The following NCKAP1 variants were observed in gnomAD, a reference collection of about 807,000 sequenced individuals.
The protein encoded by NCKAP1 is nck-associated protein 1.
In NCKAP1, 21 loss-of-function variants were observed where a neutral mutation model predicts 151.2. That is an observed-to-expected ratio of 0.14 (90% confidence interval 0.10 to 0.20). NCKAP1 has a LOEUF of 0.20. Among genes scored for constraint, NCKAP1 ranks in the 10% least tolerant of loss-of-function variants. The pLI is 1.00. For synonymous variants in NCKAP1, 484 were observed against 451.8 expected, an observed-to-expected ratio of 1.07 and a Z score of -0.90; for missense variants, 933 against 1,352.1, an observed-to-expected ratio of 0.69 and a Z score of 4.86.
In NCKAP1 at chr2:183,024,276, G is replaced by C. The variant is rs1377848855; in HGVS notation, c.109-360C>G. On this transcript the variant is annotated intron_variant, in intron 1 of 30. Transcript: ENST00000361354. ...AAATTAAATATTCAGTAGAGTACTA[G>C]ACATGTTTCTTTCTAAGTGTTATAA... Among the ~76,000 whole-genome samples, 8 of 152,106 alleles carry C rather than the reference G, an allele frequency of 5.3e-5. No homozygotes were observed. The East Asian group carries it at 1.5e-3, about 29-fold the overall frequency.
At chr2:183,003,563 A>C (rs1164839325) in intron 2 of NCKAP1, among the ~76,000 whole-genome samples, 2 of 152,096 alleles carry the variant, frequency 1.3e-5, no homozygotes, top group Admixed American at 1.3e-4. Context: ...TTGCGCTACT[A>C]TTAAGGAAAA....
At chr2:182,942,633 T>C (rs1455505924) in intron 23 of NCKAP1, among the ~76,000 whole-genome samples, 1 of 151,860 alleles carries the variant, frequency 6.6e-6, no homozygotes, top group African/African-American at 2.4e-5. Context: ...TACCACTTGA[T>C]GGGGATTATA....
rs764280290 is a variant in NCKAP1, at chr2:183,023,824, T to C, written c.201A>G (p.Val67=). ...AACTTACATTGTTGTTGCGGGTTTCTACAGCAGGGAATTTTCTGACTATGA... is the reference window on the plus strand; with the variant it reads ...AACTTACATTGTTGTTGCGGGTTTCCACAGCAGGGAATTTTCTGACTATGA... ...VKFIVRKFPA[V]ETRNNNQQLA... is the part of the protein sequence containing the mutation. Residue 67 remains valine, a synonymous_variant, in exon 2 of 31, where the codon GTA becomes GTG. Coordinates refer to ENST00000361354, the MANE Select transcript of NCKAP1 (RefSeq NM_013436.5). 4 of 1,611,860 alleles carry C rather than the reference T, an allele frequency of 2.5e-6. No homozygotes were observed. The highest frequency in any genetic ancestry group is 3.4e-6 in the Non-Finnish European group (4 of 1,178,214).
intron 9 of NCKAP1, among the ~76,000 whole-genome samples, chr2:182,988,823 T>C (rs1698108776): frequency 6.6e-6 from 1 of 152,200 alleles, no homozygotes; most frequent in Non-Finnish European, 1.5e-5. Flanking sequence ...ACCTCAGTTT[T>C]TTTTTAATAT....
intron 23 of NCKAP1, among the ~76,000 whole-genome samples, chr2:182,943,369 G>C (rs898233004): frequency 6.6e-6 from 1 of 152,144 alleles, no homozygotes; most frequent in African/African-American, 2.4e-5. Flanking sequence ...GTTGCTTGAT[G>C]TTATTACTTC....
chr2:182,961,772 GA>G (rs1027757673), intron 18 of NCKAP1, among the ~76,000 whole-genome samples: 55 of 146,448 alleles, frequency 3.8e-4, no homozygotes, highest in East Asian at 2.8e-3. Context: ...AAGTTGGAAA[GA>G]AAAAAAAAAG....
At position 182,915,724 on chromosome 2, in the gene NCKAP1, C is replaced by A. The variant is rs1696456865; in HGVS notation, c.*9978G>T. ...GGGGTAAGATTACAGTTAAGTGTCT[C>A]ACAGCTCCTGTCTTTTCTATGAAGT... On this transcript the variant is annotated 3_prime_UTR_variant, in exon 31 of 31. Transcript: ENST00000361354. 6.6e-6 allele frequency: 1 copy of A among 152,062 alleles called. No homozygotes were observed. The allele number at this position is 152,062 out of a possible 1,614,324, so 9.4% of individuals were successfully genotyped here. A position where few individuals can be genotyped will look rare whatever the true frequency, so the allele number is the denominator to read the frequency against.
At chr2:182,935,571 TAA>T in intron 24 of NCKAP1, 196 bp from the exon 25 acceptor site, 1 of 413,756 alleles carries the variant, frequency 2.4e-6, no homozygotes, top group Non-Finnish European at 4.2e-6. Flanking sequence ...GTTAAACTTT[TAA>T]GTAACTATAG....
chr2:182,997,030 T>G (rs905094973), intron 6 of NCKAP1, among the ~76,000 whole-genome samples: 1 of 152,350 alleles, frequency 6.6e-6, no homozygotes, highest in Non-Finnish European at 1.5e-5. Context: ...CTAGTTTGTG[T>G]GTACAGAGAT....
chr2:182,940,033 T>C (rs969126916), intron 24 of NCKAP1, among the ~76,000 whole-genome samples: 2 of 152,180 alleles, frequency 1.3e-5, no homozygotes, highest in African/African-American at 4.8e-5. Context: ...TTTTGAAAAC[T>C]TGCAAATTCT....
chr2:183,017,851 C>G (rs1698723204), intron 2 of NCKAP1, among the ~76,000 whole-genome samples: 1 of 152,190 alleles, frequency 6.6e-6, no homozygotes, highest in African/African-American at 2.4e-5. Flanking sequence ...GTTAAGTTAA[C>G]AGCTTCCATT....
At chr2:182,985,654 T>A (rs1253728168) in intron 10 of NCKAP1, among the ~76,000 whole-genome samples, 1 of 151,842 alleles carries the variant, frequency 6.6e-6, no homozygotes, top group African/African-American at 2.4e-5. Flanking sequence ...ATACAAAAAT[T>A]AGCTGGGAAT....
chr2:182,926,896 A>G lies in NCKAP1; in HGVS notation c.3190T>C (p.Ser1064Pro). The G allele has an allele frequency of 6.2e-7, 1 of 1,600,908 alleles. No homozygotes were observed. The highest frequency in any genetic ancestry group is 8.5e-7 in the Non-Finnish European group (1 of 1,171,288). The change falls in exon 30 of 31, where the codon TCC becomes CCC. Residue 1064 changes from serine to proline, a missense_variant. By Grantham distance (74) the Ser-to-Pro change is moderately conservative. Coordinates refer to ENST00000361354, the MANE Select transcript of NCKAP1 (RefSeq NM_013436.5). The stretch of plus-strand genomic sequence containing the variant: ...TCCTGGCCAATTTTCAGTAGACTGG[A>G]GGATGCAAGCTTAAAAGTATACATA... ...RLKEFLALAS[S>P]SLLKIGQETD...
chr2:182,912,909 T>C lies in NCKAP1; in HGVS notation c.*12793A>G, dbSNP rs932779404. The C allele has an allele frequency of 4.7e-5, 4 of 84,452 alleles. No homozygotes were observed. The highest frequency in any genetic ancestry group is 1.2e-4 in the Non-Finnish European group (4 of 33,648). The allele number at this position is 84,452 out of a possible 1,614,324, so 5.2% of individuals were successfully genotyped here. On this transcript the variant is annotated 3_prime_UTR_variant, in exon 31 of 31. Transcript: ENST00000361354. ...GGAAAGAATTCAGCCAGATGAACTT[T>C]AGTTAAGTGCAATTTATGTTTTTGC...
intron 6 of NCKAP1, among the ~76,000 whole-genome samples, chr2:182,998,449 C>T (rs531633384): frequency 6.6e-6 from 1 of 152,082 alleles, no homozygotes; most frequent in Non-Finnish European, 1.5e-5. Context: ...AACTAAATGA[C>T]TTTGGCAAAG....
At chr2:182,942,196 C>T (rs779983879) in intron 23 of NCKAP1, 33 bp from the exon 24 acceptor site, 1 of 1,538,800 alleles carries the variant, frequency 6.5e-7, no homozygotes, top group Non-Finnish European at 8.9e-7. Flanking sequence ...AGGTCAGGCA[C>T]AGACCTCTTT....
At chr2:182,983,432 A>C (rs1396645919) in intron 10 of NCKAP1, 50 bp from the exon 11 acceptor site, 2 of 1,361,944 alleles carry the variant, frequency 1.5e-6, no homozygotes, top group Non-Finnish European at 2.1e-6. Context: ...TAAAATTATT[A>C]TTGGCAATTA....
intron 24 of NCKAP1, 53 bp downstream of exon 24, chr2:182,942,017 T>C: frequency 7.0e-7 from 1 of 1,427,996 alleles, no homozygotes; most frequent in Non-Finnish European, 9.7e-7. Flanking sequence ...CAAAGCTAAA[T>C]ACTGAGTATC....
chr2:182,962,470 GTATT>G (rs1028757378), intron 17 of NCKAP1, among the ~76,000 whole-genome samples, 192 bp from the exon 18 acceptor site: 2 of 152,098 alleles, frequency 1.3e-5, no homozygotes, highest in African/African-American at 4.8e-5. Context: ...AAATGACAAA[GTATT>G]TGGTGATTGT....
Sources: gnomAD v4.1 joint callset for allele counts (sites outside exome capture counted in the v4.1 genomes callset) on GRCh38, gnomAD v4.1.1 for gene constraint, MANE v1.5 for transcripts, NCBI Gene and HGNC (gene_info 2026-07-23, HGNC 2026-07-21) for gene names.